The following SLC35D1 variants were observed in gnomAD, a reference collection of about 807,000 sequenced individuals.
SLC35D1 encodes nucleotide sugar transporter SLC35D1.
SLC35D1 carries 31 observed loss-of-function variants against 46.7 expected under a neutral mutation model. The ratio of observed to expected loss-of-function variants is 0.66; its 90% CI spans 0.50 to 0.90. The LOEUF is 0.90. Among genes scored for constraint, SLC35D1 ranks in the 40% least tolerant of loss-of-function variants. SLC35D1 has a pLI of 0.00. For synonymous variants in SLC35D1, 195 were observed against 164.6 expected (o/e 1.18, Z -1.41); for missense variants, 397 against 426.2 (o/e 0.93, Z 0.60).
chr1:66,986,136 A>G, the SLC35D1 span: 1 of 1,145,100 alleles, frequency 8.7e-7, no homozygotes, highest in Non-Finnish European at 1.1e-6. Flanking sequence ...ATGAAGAGAA[A>G]GTGAAGTTTG....
At chr1:66,993,044 T>A in the SLC35D1 span, among the ~76,000 whole-genome samples, 1 of 152,246 alleles carries the variant, frequency 6.6e-6, no homozygotes, top group African/African-American at 2.4e-5. Context: ...AAGTCAGGTC[T>A]TTGTGTTTAG....
In SLC35D1 at chr1:67,020,369, C is replaced by T; in HGVS notation, c.876G>A (p.Lys292=). 6.3e-7 allele frequency: 1 copy of T among 1,589,260 alleles called. No homozygotes were observed. The highest frequency in any genetic ancestry group is 8.6e-7 in the Non-Finnish European group (1 of 1,157,538). ...ALTTTIVGCI[K]NILITYIGMV... is the part of the protein sequence containing the mutation. ...AAGCTAACAGTATTTTTCTACTTACCTTAATACAGCCAACTATTGTAGTTG... is the reference window on the plus strand; with the variant it reads ...AAGCTAACAGTATTTTTCTACTTACTTTAATACAGCCAACTATTGTAGTTG... The change falls in exon 10 of 12, where the codon AAG becomes AAA. Residue 292 remains lysine (K), a splice_region_variant and synonymous_variant. Coordinates refer to ENST00000235345, the MANE Select transcript of SLC35D1 (RefSeq NM_015139.3).
intron 8 of SLC35D1, among the ~76,000 whole-genome samples, chr1:67,024,884 T>A (rs537497755): frequency 6.6e-6 from 1 of 152,294 alleles, no homozygotes; most frequent in Non-Finnish European, 1.5e-5. Flanking sequence ...GCTAAGACTA[T>A]AGGTGTGCAC....
At chr1:67,021,900 T>C (rs1217336652) in intron 8 of SLC35D1, among the ~76,000 whole-genome samples, 2 of 152,210 alleles carry the variant, frequency 1.3e-5, no homozygotes, top group African/African-American at 4.8e-5. Flanking sequence ...TTCTCACTAT[T>C]GGTGCAAAGA....
the SLC35D1 span, among the ~76,000 whole-genome samples, chr1:66,977,214 A>G: frequency 1.3e-5 from 2 of 151,828 alleles, no homozygotes; most frequent in Non-Finnish European, 2.9e-5. Flanking sequence ...GCTTCAAGCG[A>G]TTGTCCTGCC....
At chr1:67,026,189 C>T (rs1667910558) in intron 8 of SLC35D1, among the ~76,000 whole-genome samples, 1 of 152,140 alleles carries the variant, frequency 6.6e-6, no homozygotes, top group African/African-American at 2.4e-5. Context: ...AAGTTCCCTT[C>T]TATTCCTAGT....
chr1:67,049,069 C>T (rs940846610), intron 6 of SLC35D1, among the ~76,000 whole-genome samples: 20 of 152,056 alleles, frequency 1.3e-4, no homozygotes, highest in Admixed American at 7.2e-4. Context: ...CCAAGGCAGG[C>T]GGATCACGAG....
At chr1:66,993,168 A>G in the SLC35D1 span, among the ~76,000 whole-genome samples, 1 of 152,206 alleles carries the variant, frequency 6.6e-6, no homozygotes, top group African/African-American at 2.4e-5. Context: ...TGGAAAAAAG[A>G]CGTTAGTAGG....
At chr1:66,976,965 TATG>T in the SLC35D1 span, among the ~76,000 whole-genome samples, 2 of 152,238 alleles carry the variant, frequency 1.3e-5, no homozygotes, top group African/African-American at 4.8e-5. Flanking sequence ...CAGTTCATAT[TATG>T]TATGAGACAA....
At chr1:67,051,870 T>C (rs1645313004) in intron 4 of SLC35D1, 142 bp downstream of exon 4, 1 of 587,482 alleles carries the variant, frequency 1.7e-6, no homozygotes, top group African/African-American at 1.9e-5. Context: ...GGCACCACTT[T>C]CATTATTTAG....
At chr1:67,053,017 G>C in intron 1 of SLC35D1, 28 bp from the exon 2 acceptor site, 1 of 1,613,404 alleles carries the variant, frequency 6.2e-7, no homozygotes, top group Non-Finnish European at 8.5e-7. Context: ...AAAAAAACAA[G>C]ATCAGAACAA....
At chr1:67,021,409 TG>T in intron 9 of SLC35D1, 125 bp downstream of exon 9, 1 of 979,870 alleles carries the variant, frequency 1.0e-6, no homozygotes, top group Non-Finnish European at 1.6e-6. Context: ...CACCTGAATC[TG>T]GAGGCTTAAT....
intron 8 of SLC35D1, among the ~76,000 whole-genome samples, chr1:67,026,012 A>T (rs569622821): frequency 6.6e-6 from 1 of 152,166 alleles, no homozygotes; most frequent in African/African-American, 2.4e-5. Context: ...TTTCAAATCT[A>T]TATTATACAG....
the SLC35D1 span, chr1:66,987,394 T>G: frequency 4.6e-5 from 7 of 152,666 alleles, no homozygotes; most frequent in African/African-American, 1.7e-4. Context: ...CCCGCCTCAT[T>G]CCCACCCCCA....
chr1:66,980,287 A>G, the SLC35D1 span, among the ~76,000 whole-genome samples: 38 of 152,186 alleles, frequency 2.5e-4, no homozygotes, highest in African/African-American at 1.7e-4. Context: ...ATTTAATTCT[A>G]TATAGATTTA....
Position 67,007,049 on chromosome 1 carries a change from C to T in SLC35D1, c.959+2036G>A, listed in dbSNP as rs143384037. Among the ~76,000 whole-genome samples, 576 of 152,266 alleles carry T rather than the reference C, an allele frequency of 3.8e-3. 2 individuals are homozygous for T. Among genetic ancestry groups the T allele is most frequent in the Middle Eastern group, 6.8e-3 (2 of 294 alleles). On this transcript the variant is annotated intron_variant, in intron 11 of 11. Coordinates refer to ENST00000235345, the MANE Select transcript of SLC35D1 (RefSeq NM_015139.3). ...TGTCTGAGGATTAAATGAGATTACA[C>T]GGATAATCTTCTCTTCATTCTCTTC...
chr1:66,973,147 A>G, the SLC35D1 span, among the ~76,000 whole-genome samples: 2 of 152,094 alleles, frequency 1.3e-5, no homozygotes, highest in African/African-American at 2.4e-5. Context: ...AAGGCTGCCT[A>G]TACTTCCTAA....
intron 6 of SLC35D1, among the ~76,000 whole-genome samples, chr1:67,049,047 C>T (rs1645280913): frequency 6.6e-6 from 1 of 152,188 alleles, no homozygotes; most frequent in Non-Finnish European, 1.5e-5. Context: ...GTAATCCCAG[C>T]ACTTTGGGAG....
chr1:67,045,524 T>C (rs190840967), intron 7 of SLC35D1, among the ~76,000 whole-genome samples: 208 of 152,340 alleles, frequency 1.4e-3, no homozygotes, highest in Middle Eastern at 3.4e-3. Flanking sequence ...TTCTAGTTTG[T>C]TGCTTATAAG....
Sources: gnomAD v4.1 joint callset for allele counts (sites outside exome capture counted in the v4.1 genomes callset) on GRCh38, gnomAD v4.1.1 for gene constraint, MANE v1.5 for transcripts, NCBI Gene and HGNC (gene_info 2026-07-23, HGNC 2026-07-21) for gene names.